The following NOL4 variants were observed in gnomAD, a reference collection of about 807,000 sequenced individuals.
NOL4 encodes the protein nucleolar protein 4, also known as cancer/testis antigen 125.
A neutral mutation model predicts 75.9 loss-of-function variants in NOL4; 17 were observed. The ratio of observed to expected loss-of-function variants is 0.22; its 90% CI spans 0.15 to 0.34. NOL4 has a LOEUF of 0.34. Among genes scored for constraint, NOL4 ranks in the 10% least tolerant of loss-of-function variants. The probability of loss-of-function intolerance (pLI) is 1.00; values close to 1 mark genes in which losing one functional copy is unlikely to be tolerated. For synonymous variants in NOL4, 292 were observed against 289.9 expected (o/e 1.01, Z -0.07); for missense variants, 614 against 793.5 (o/e 0.77, Z 2.72).
At chr18:34,048,926 CT>C (rs1217226271) in intron 5 of NOL4, among the ~76,000 whole-genome samples, 1 of 152,034 alleles carries the variant, frequency 6.6e-6, no homozygotes, top group Non-Finnish European at 1.5e-5. Flanking sequence ...ACACTACCCC[CT>C]TTAAATTAAA....
At chr18:33,948,246 A>G (rs1445481589) in intron 8 of NOL4, among the ~76,000 whole-genome samples, 1 of 151,936 alleles carries the variant, frequency 6.6e-6, no homozygotes, top group Non-Finnish European at 1.5e-5. Context: ...CTTTGAAGAT[A>G]ATAATTCAGT....
At chr18:33,902,914 T>G (rs568196906) in intron 9 of NOL4, among the ~76,000 whole-genome samples, 2 of 151,792 alleles carry the variant, frequency 1.3e-5, no homozygotes, top group Non-Finnish European at 2.9e-5. Context: ...GTATTGCTTT[T>G]AAAGTTTTTG....
At chr18:34,179,425 G>T (rs2033843886) in intron 1 of NOL4, among the ~76,000 whole-genome samples, 1 of 151,110 alleles carries the variant, frequency 6.6e-6, no homozygotes, top group Non-Finnish European at 1.5e-5. Flanking sequence ...TAAGTTGGTT[G>T]GTTTGTGGTA....
intron 6 of NOL4, among the ~76,000 whole-genome samples, chr18:33,967,221 T>C (rs1213466160): frequency 6.6e-6 from 1 of 151,966 alleles, no homozygotes; most frequent in Non-Finnish European, 1.5e-5. Context: ...ACACAAGCAA[T>C]AGGGAAAAGA....
chr18:34,120,799 T>C (rs866738979), intron 2 of NOL4, among the ~76,000 whole-genome samples: 19 of 152,064 alleles, frequency 1.2e-4, no homozygotes, highest in African/African-American at 4.3e-4. Flanking sequence ...TTTCACCATA[T>C]GATATAAAGA....
rs557258788 is a variant in NOL4, at chr18:34,071,328, C to T, written c.772+22137G>A. ...TTCAAAACTTGCTATAATATAGATA[C>T]ATATTGAAATTCCCAGACAACCACT... On this transcript the variant is annotated intron_variant, in intron 5 of 10. Coordinates refer to ENST00000261592, the MANE Select transcript of NOL4 (RefSeq NM_003787.5). 2.0e-5 allele frequency among the ~76,000 whole-genome samples: 3 copies of T among 151,968 alleles called. No homozygotes were observed. In the South Asian group the frequency reaches 6.2e-4, roughly 32 times the overall value.
intron 1 of NOL4, among the ~76,000 whole-genome samples, chr18:34,134,483 C>CACAT (rs565446408): frequency 0.017 from 2,516 of 147,652 alleles, 88 homozygotes; most frequent in East Asian, 0.024. Context: ...CACACACACA[C>CACAT]ACACACACAC....
chr18:34,113,920 T>C (rs1367927467), intron 2 of NOL4, among the ~76,000 whole-genome samples: 1 of 152,172 alleles, frequency 6.6e-6, no homozygotes, highest in African/African-American at 2.4e-5. Context: ...CAATTTTAAA[T>C]AGATGTTCAT....
At chr18:33,973,283 G>A (rs948318415) in intron 6 of NOL4, among the ~76,000 whole-genome samples, 12 of 152,212 alleles carry the variant, frequency 7.9e-5, no homozygotes, top group Middle Eastern at 6.8e-3. Flanking sequence ...TTTATCATAA[G>A]ATTGCAGCAA....
intron 1 of NOL4, chr18:34,222,194 G>GA: frequency 2.8e-6 from 4 of 1,453,276 alleles, no homozygotes; most frequent in Non-Finnish European, 3.6e-6. Flanking sequence ...CGCGGCGCCT[G>GA]GGCTAGAGCT....
At chr18:34,093,364 T>A (rs1045396592) in intron 5 of NOL4, 101 bp downstream of exon 5, 45 of 1,229,688 alleles carry the variant, frequency 3.7e-5, no homozygotes, top group Admixed American at 1.0e-4. Flanking sequence ...GGTAGATTTT[T>A]AAAAATTGAC....
intron 1 of NOL4, among the ~76,000 whole-genome samples, chr18:34,204,164 A>G (rs987357291): frequency 2.2e-4 from 33 of 152,192 alleles, no homozygotes; most frequent in African/African-American, 7.7e-4. Flanking sequence ...TTATTCTGCA[A>G]TAACATACAT....
intron 10 of NOL4, among the ~76,000 whole-genome samples, chr18:33,857,486 T>C (rs1333188633): frequency 6.6e-6 from 1 of 152,028 alleles, no homozygotes; most frequent in Non-Finnish European, 1.5e-5. Flanking sequence ...ACAAGAAACA[T>C]TGCCAATTCT....
intron 9 of NOL4, among the ~76,000 whole-genome samples, chr18:33,925,657 GA>G (rs1299360262): frequency 6.6e-6 from 1 of 152,188 alleles, no homozygotes; most frequent in Non-Finnish European, 1.5e-5. Context: ...TGAAATTTAT[GA>G]AGCATTCTGA....
chr18:34,024,194 A>AAAAAAATAT, intron 5 of NOL4, among the ~76,000 whole-genome samples: 2 of 70,658 alleles, frequency 2.8e-5, no homozygotes, highest in African/African-American at 5.3e-5. Context: ...AAAAAAAAAA[A>AAAAAAATAT]ATATATATAT....
chr18:34,098,478 A>G (rs937460691), intron 4 of NOL4, among the ~76,000 whole-genome samples: 5 of 152,166 alleles, frequency 3.3e-5, no homozygotes, highest in African/African-American at 9.7e-5. Context: ...CCAGCTACCA[A>G]TTGAATGTCA....
At chr18:34,104,770 T>G (rs187803072) in intron 3 of NOL4, among the ~76,000 whole-genome samples, 208 of 152,128 alleles carry the variant, frequency 1.4e-3, no homozygotes, top group African/African-American at 4.9e-3. Flanking sequence ...TTGCTGAATA[T>G]ATCTAAAATA....
At chr18:34,212,041 G>A (rs2036549992) in intron 1 of NOL4, among the ~76,000 whole-genome samples, 1 of 151,966 alleles carries the variant, frequency 6.6e-6, no homozygotes, top group East Asian at 1.9e-4. Flanking sequence ...ATCCTTTAAT[G>A]TAAATTAATT....
chr18:34,088,115 C>T lies in NOL4; in HGVS notation c.772+5350G>A, dbSNP rs78469338. The stretch of plus-strand genomic sequence containing the variant: ...TTAAAAAAGCACAAATACTCCCTTA[C>T]AAAATATCAATAGTTTACATTAAAG... On this transcript the variant is annotated intron_variant, in intron 5 of 10. Coordinates refer to ENST00000261592, the MANE Select transcript of NOL4 (RefSeq NM_003787.5). Among the ~76,000 whole-genome samples the T allele has an allele frequency of 6.2e-3, 949 of 151,910 alleles. 5 individuals carry two copies. The highest frequency in any genetic ancestry group is 0.01 in the Non-Finnish European group (701 of 67,862).
Sources: allele counts gnomAD v4.1 joint callset (sites outside exome capture counted in the v4.1 genomes callset), GRCh38; gene constraint gnomAD v4.1.1; transcripts MANE v1.5; gene names NCBI Gene and HGNC (gene_info 2026-07-23, HGNC 2026-07-21).